The following ROBO1 variants were observed in gnomAD, a reference collection of about 807,000 sequenced individuals.
ROBO1 encodes roundabout homolog 1.
In ROBO1, 149 loss-of-function variants were observed where a neutral mutation model predicts 195.9. That is an observed-to-expected ratio of 0.76 (90% confidence interval 0.67 to 0.87). The LOEUF (loss-of-function observed/expected upper bound fraction) is 0.87. Ranked by LOEUF, ROBO1 falls within the 40% of genes least tolerant of loss-of-function variation. ROBO1 has a pLI of 0.00. For missense variants in ROBO1, 1,933 were observed against 2,068.3 expected, an observed-to-expected ratio of 0.93 and a Z score of 1.27; for synonymous variants, 816 against 733.2, an observed-to-expected ratio of 1.11 and a Z score of -1.82.
At chr3:79,300,720 A>G (rs545418815) in intron 2 of ROBO1, among the ~76,000 whole-genome samples, 1 of 152,302 alleles carries the variant, frequency 6.6e-6, no homozygotes, top group Non-Finnish European at 1.5e-5. Context: ...TGTCTAGCTC[A>G]GGGATTGTAA....
At chr3:78,889,010 C>A (rs768465856) in intron 4 of ROBO1, among the ~76,000 whole-genome samples, 25 of 152,084 alleles carry the variant, frequency 1.6e-4, no homozygotes, top group Non-Finnish European at 3.2e-4. Context: ...CAAGATGATG[C>A]CTTCTGTAGA....
At chr3:78,865,802 C>T (rs1319528213) in intron 4 of ROBO1, among the ~76,000 whole-genome samples, 2 of 152,060 alleles carry the variant, frequency 1.3e-5, no homozygotes, top group Non-Finnish European at 2.9e-5. Flanking sequence ...ATACATATAA[C>T]ATATTGTCTT....
At position 78,685,905 on chromosome 3, in the gene ROBO1, A is replaced by T. The variant is rs1559745719; in HGVS notation, c.1183T>A (p.Ser395Thr). The change falls in exon 10 of 31, where the codon TCA (serine) becomes ACA (threonine). Residue 395 changes from serine to threonine, a missense_variant. Physicochemically the swap from Ser to Thr is moderately conservative, Grantham distance 58 (BLOSUM62 1). Around this residue, in one of 3 missense-constraint regions of ROBO1, gnomAD observed 1,737 missense variants for 1,882.5 expected, o/e 0.92. Transcript: ENST00000464233. Reference protein sequence around the residue: ...RREGSQNLLFSYQPPQSSSRF... With the variant: ...RREGSQNLLFTYQPPQSSSRF... Reference sequence around the variant, plus strand: ...CTGGATGACTGTGGTGGTTGATATGAGAAAAGTAGATTCTAGAACCCAGAA... The same window carrying T: ...CTGGATGACTGTGGTGGTTGATATGTGAAAAGTAGATTCTAGAACCCAGAA... 1 of 1,591,296 alleles carries T rather than the reference A, an allele frequency of 6.3e-7. No individual in the cohort carries two copies. The highest frequency in any genetic ancestry group is 1.1e-5 in the South Asian group (1 of 87,860).
intron 2 of ROBO1, among the ~76,000 whole-genome samples, chr3:79,543,575 T>C (rs1316006842): frequency 1.3e-5 from 2 of 152,122 alleles, no homozygotes; most frequent in East Asian, 3.8e-4. Context: ...ATTTTTAACA[T>C]GTCACTAAAT....
chr3:79,318,360 C>T (rs966564055), intron 2 of ROBO1, among the ~76,000 whole-genome samples: 3 of 152,182 alleles, frequency 2.0e-5, no homozygotes, highest in Non-Finnish European at 4.4e-5. Flanking sequence ...AGTAGAATAA[C>T]TTCCTTCTTG....
chr3:79,551,980 T>TAAAAAAAAAAAAAAAAAAAA (rs771824432), intron 2 of ROBO1, among the ~76,000 whole-genome samples: 1 of 44,262 alleles, frequency 2.3e-5, no homozygotes, highest in African/African-American at 9.2e-5. Flanking sequence ...TCTACAGAGT[T>TAAAAAAAAAAAAAAAAAAAA]AAAAAAAAAA....
At chr3:79,583,935 A>G (rs1443991290) in intron 2 of ROBO1, among the ~76,000 whole-genome samples, 1 of 151,988 alleles carries the variant, frequency 6.6e-6, no homozygotes, top group Admixed American at 6.6e-5. Flanking sequence ...TTGCCAAGGT[A>G]TAGTGTTTCC....
chr3:79,112,236 G>A (rs2079899853), intron 3 of ROBO1, among the ~76,000 whole-genome samples: 1 of 152,136 alleles, frequency 6.6e-6, no homozygotes, highest in Non-Finnish European at 1.5e-5. Context: ...TTTTTCATAT[G>A]TGACATACTT....
chr3:79,272,985 A>G (rs2030702362), intron 2 of ROBO1, among the ~76,000 whole-genome samples: 1 of 152,126 alleles, frequency 6.6e-6, no homozygotes, highest in Non-Finnish European at 1.5e-5. Flanking sequence ...AAAGAACTTT[A>G]ACTTTTGAAG....
intron 11 of ROBO1, 101 bp downstream of exon 11, chr3:78,669,995 A>T: frequency 1.2e-6 from 1 of 800,030 alleles, no homozygotes; most frequent in Non-Finnish European, 2.0e-6. Flanking sequence ...CTCTTCATTT[A>T]ACACTTCATT....
chr3:78,927,598 ATTT>A (rs1282203367), intron 4 of ROBO1, among the ~76,000 whole-genome samples: 1 of 152,188 alleles, frequency 6.6e-6, no homozygotes, highest in Non-Finnish European at 1.5e-5. Context: ...TTTCCAAATT[ATTT>A]TTTAACTGCC....
intron 2 of ROBO1, among the ~76,000 whole-genome samples, chr3:79,503,415 G>T (rs1032496893): frequency 1.3e-5 from 2 of 152,252 alleles, no homozygotes; most frequent in African/African-American, 4.8e-5. Context: ...TAGGGTCTGC[G>T]GCTTCATTCT....
At chr3:79,108,395 T>C (rs1222756618) in intron 3 of ROBO1, among the ~76,000 whole-genome samples, 1 of 151,844 alleles carries the variant, frequency 6.6e-6, no homozygotes, top group Non-Finnish European at 1.5e-5. Context: ...TCCATTCAAC[T>C]ACTTTTTATA....
chr3:79,594,493 G>A (rs1387497272), intron 1 of ROBO1, among the ~76,000 whole-genome samples: 2 of 151,916 alleles, frequency 1.3e-5, no homozygotes, highest in African/African-American at 2.4e-5. Flanking sequence ...AAATTGTTTA[G>A]GGTAATTTAA....
chr3:79,323,684 C>T (rs561311618), intron 2 of ROBO1, among the ~76,000 whole-genome samples: 1 of 152,076 alleles, frequency 6.6e-6, no homozygotes, highest in Admixed American at 6.5e-5. Flanking sequence ...TATAAACCGA[C>T]CGTATCTTTC....
intron 8 of ROBO1, among the ~76,000 whole-genome samples, chr3:78,696,288 T>C (rs1230677618): frequency 1.3e-5 from 2 of 152,186 alleles, no homozygotes; most frequent in Non-Finnish European, 2.9e-5. Flanking sequence ...CCAAGTCCCT[T>C]TTCTTGCTAA....
chr3:79,497,977 A>G (rs1415513303), intron 2 of ROBO1, among the ~76,000 whole-genome samples: 2 of 150,894 alleles, frequency 1.3e-5, no homozygotes, highest in African/African-American at 2.4e-5. Flanking sequence ...GCTCAGGAAT[A>G]TAATTTTATT....
At chr3:79,582,672 C>T (rs573161668) in intron 2 of ROBO1, among the ~76,000 whole-genome samples, 1 of 152,116 alleles carries the variant, frequency 6.6e-6, no homozygotes, top group East Asian at 1.9e-4. Flanking sequence ...TTTAAACTCT[C>T]TCATTCCTTC....
intron 4 of ROBO1, among the ~76,000 whole-genome samples, chr3:78,813,988 T>C (rs2084823557): frequency 6.6e-6 from 1 of 152,132 alleles, no homozygotes; most frequent in South Asian, 2.1e-4. Context: ...CCTAGTCTCA[T>C]TAGCTTACCA....
Sources: allele counts gnomAD v4.1 joint callset (sites outside exome capture counted in the v4.1 genomes callset), GRCh38; gene constraint gnomAD v4.1.1; regional missense constraint gnomAD v4.1.1; transcripts MANE v1.5; gene names NCBI Gene and HGNC (gene_info 2026-07-23, HGNC 2026-07-21).